Variants in ADAMTS3 observed in about 807,000 individuals in gnomAD.
The protein encoded by ADAMTS3 is ADAM metallopeptidase with thrombospondin type 1 motif 3, also known as A disintegrin and metalloproteinase with thrombospondin motifs 3.
A neutral mutation model predicts 129.0 loss-of-function variants in ADAMTS3; 73 were observed. The observed-to-expected ratio is 0.57, with a 90% CI of 0.47 to 0.69. The LOEUF is 0.69. ADAMTS3 is among the 30% of genes least tolerant of loss of function. The pLI is 0.00. For missense variants in ADAMTS3, 1,457 were observed against 1,514.5 expected (o/e 0.96, Z 0.63); for synonymous variants, 477 against 510.8 (o/e 0.93, Z 0.89).
chr4:72,417,903 A>C lies in ADAMTS3; in HGVS notation c.505-2932T>G, dbSNP rs928827032. On this transcript the variant is annotated intron_variant, in intron 3 of 21. Coordinates refer to ENST00000286657, the MANE Select transcript of ADAMTS3 (RefSeq NM_014243.3). ...AGCCGAGATCGCACCACTGCACTCC[A>C]GACTGGGCGACAGAGGGAGACTCCA... is the stretch of plus-strand genomic sequence containing the variant. 6.5e-5 allele frequency among the ~76,000 whole-genome samples: 7 copies of C among 108,384 alleles called. No individual in the cohort carries two copies. In the Admixed American group the frequency reaches 8.5e-4, roughly 13 times the overall value. The allele number at this position is 108,384 out of a possible 152,430, so 71.1% of individuals were successfully genotyped here.
intron 3 of ADAMTS3, among the ~76,000 whole-genome samples, chr4:72,533,673 A>ATATGTATATATACAAATATATG (rs1164175826): frequency 6.6e-6 from 1 of 151,476 alleles, no homozygotes; most frequent in Non-Finnish European, 1.5e-5. Flanking sequence ...GTATATGCAC[A>ATATGTATATATACAAATATATG]TATATGCACA....
intron 4 of ADAMTS3, among the ~76,000 whole-genome samples, chr4:72,391,188 G>A (rs2109893187): frequency 6.6e-6 from 1 of 152,314 alleles, no homozygotes; most frequent in East Asian, 1.9e-4. Flanking sequence ...AGGGTAGTTA[G>A]AGGGAAGAAA....
At chr4:72,322,989 T>C (rs773199090) in intron 6 of ADAMTS3, 25 bp downstream of exon 6, 14 of 1,579,324 alleles carry the variant, frequency 8.9e-6, no homozygotes, top group South Asian at 8.9e-5. Flanking sequence ...CTAATGTTTA[T>C]AATTCATGTT....
intron 2 of ADAMTS3, among the ~76,000 whole-genome samples, chr4:72,551,758 AAGCAAAG>A (rs1219038800): frequency 8.5e-5 from 13 of 152,218 alleles, no homozygotes; most frequent in African/African-American, 3.1e-4. Flanking sequence ...TGACACATAT[AAGCAAAG>A]AGCCAAAGGA....
At chr4:72,549,012 C>T in intron 2 of ADAMTS3, 128 bp from the exon 3 acceptor site, 1 of 781,162 alleles carries the variant, frequency 1.3e-6, no homozygotes, top group Non-Finnish European at 1.9e-6. Flanking sequence ...ATTCCTGAAT[C>T]AGCTCATAAA....
chr4:72,295,679 T>G lies in ADAMTS3; in HGVS notation c.2698A>C (p.Asn900His), dbSNP rs755469011. 6.2e-7 allele frequency: 1 copy of G among 1,612,852 alleles called. No homozygotes were observed. The highest frequency in any genetic ancestry group is 8.5e-7 in the Non-Finnish European group (1 of 1,179,064). Residue 900 changes from asparagine to histidine, a missense_variant, in exon 19 of 22, where the codon AAT becomes CAT. Transcript: ENST00000286657. ...KKPKPIRRMC[N>H]IQECTHPLWV... is the part of the protein sequence containing the mutation. ...AGTGGATGTGTACACTCTTGAATAT[T>G]GCACATTCGTCTAATAGGTTTCGGC...
At chr4:72,319,082 G>T (rs1373814258) in intron 9 of ADAMTS3, among the ~76,000 whole-genome samples, 1 of 152,056 alleles carries the variant, frequency 6.6e-6, no homozygotes, top group East Asian at 1.9e-4. Flanking sequence ...ATTAATCAAA[G>T]ATTCGATAAC....
chr4:72,302,567 G>A (rs1033086865), intron 17 of ADAMTS3, among the ~76,000 whole-genome samples: 10 of 151,918 alleles, frequency 6.6e-5, no homozygotes, highest in African/African-American at 2.4e-4. Flanking sequence ...GTGGGGGTGA[G>A]GGTTTGGGAA....
intron 3 of ADAMTS3, among the ~76,000 whole-genome samples, chr4:72,450,409 G>A (rs1052882639): frequency 6.6e-6 from 1 of 151,656 alleles, no homozygotes. Flanking sequence ...TGTTTCTCAG[G>A]TAAGACTTGC....
At chr4:72,357,158 A>T (rs535822322) in intron 4 of ADAMTS3, among the ~76,000 whole-genome samples, 218 of 152,100 alleles carry the variant, frequency 1.4e-3, no homozygotes, top group Admixed American at 4.4e-3. Flanking sequence ...ATTTTCATAC[A>T]GTGCAGGTGT....
chr4:72,561,491 C>T (rs572791812), intron 2 of ADAMTS3, among the ~76,000 whole-genome samples: 100 of 151,186 alleles, frequency 6.6e-4, no homozygotes, highest in Non-Finnish European at 4.9e-4. Flanking sequence ...TGTTACAGAG[C>T]GAGACCCTGT....
chr4:72,367,302 C>T (rs1043644246), intron 4 of ADAMTS3, among the ~76,000 whole-genome samples: 2 of 152,028 alleles, frequency 1.3e-5, no homozygotes, highest in African/African-American at 4.8e-5. Flanking sequence ...GGTTATCTAG[C>T]CCATAGCTTA....
At chr4:72,525,739 T>C (rs1293174140) in intron 3 of ADAMTS3, among the ~76,000 whole-genome samples, 1 of 152,162 alleles carries the variant, frequency 6.6e-6, no homozygotes, top group Non-Finnish European at 1.5e-5. Flanking sequence ...CTGTCCTTTC[T>C]CCCATCCACT....
At chr4:72,454,313 T>C (rs1718486845) in intron 3 of ADAMTS3, among the ~76,000 whole-genome samples, 1 of 151,660 alleles carries the variant, frequency 6.6e-6, no homozygotes, top group Admixed American at 6.6e-5. Flanking sequence ...TTGAAAGGAC[T>C]AGAATAAATT....
intron 2 of ADAMTS3, among the ~76,000 whole-genome samples, chr4:72,550,039 AG>A: frequency 5.3e-5 from 1 of 18,728 alleles, no homozygotes; most frequent in Middle Eastern, 0.019. Context: ...AAGAAGAAGA[AG>A]AAGAGGAAGA....
Position 72,291,073 on chromosome 4 carries a change from G to C in ADAMTS3, c.2724-11C>G, listed in dbSNP as rs376668839. The C allele has an allele frequency of 1.2e-6, 2 of 1,613,310 alleles. No individual in the cohort carries two copies. Among genetic ancestry groups the C allele is most frequent in the Non-Finnish European group, 1.7e-6 (2 of 1,179,668 alleles). On this transcript the variant is annotated splice_polypyrimidine_tract_variant and intron_variant, in intron 19 of 21. Coordinates refer to ENST00000286657, the MANE Select transcript of ADAMTS3 (RefSeq NM_014243.3). ...TCTTCTGCTACCCAGCTGTGGGTGC[G>C]GGGATTTAATATTGCAATTATCACT...
intron 3 of ADAMTS3, among the ~76,000 whole-genome samples, chr4:72,489,373 A>G (rs923382503): frequency 2.0e-4 from 31 of 151,998 alleles, no homozygotes; most frequent in African/African-American, 7.0e-4. Flanking sequence ...GTAACAATTC[A>G]TAAGTTTTAA....
intron 2 of ADAMTS3, among the ~76,000 whole-genome samples, chr4:72,563,372 C>G (rs1452279994): frequency 6.6e-6 from 1 of 152,054 alleles, no homozygotes; most frequent in African/African-American, 2.4e-5. Context: ...TACAAAGGAT[C>G]CCCCTAAACC....
intron 5 of ADAMTS3, among the ~76,000 whole-genome samples, chr4:72,323,407 A>T (rs1241893275): frequency 6.6e-6 from 1 of 152,224 alleles, no homozygotes; most frequent in Non-Finnish European, 1.5e-5. Context: ...CATTAGCCAA[A>T]AGCAACCACA....
Sources: gnomAD v4.1 joint callset for allele counts (sites outside exome capture counted in the v4.1 genomes callset) on GRCh38, gnomAD v4.1.1 for gene constraint, MANE v1.5 for transcripts, NCBI Gene and HGNC (gene_info 2026-07-23, HGNC 2026-07-21) for gene names.